The following MACROD1 variants were observed in gnomAD, a reference collection of about 807,000 sequenced individuals.
The protein encoded by MACROD1 is mono-ADP ribosylhydrolase 1, also known as ADP-ribose glycohydrolase MACROD1.
In MACROD1, 31 loss-of-function variants were observed where a neutral mutation model predicts 41.4. The ratio of observed to expected loss-of-function variants is 0.75; its 90% CI spans 0.56 to 1.01. The LOEUF is 1.01. Ranked by LOEUF, MACROD1 falls within the 50% of genes least tolerant of loss-of-function variation. The probability of loss-of-function intolerance (pLI) is 0.00; values close to 1 mark genes in which losing one functional copy is unlikely to be tolerated. For synonymous variants in MACROD1, 252 were observed against 203.4 expected (o/e 1.24, Z -2.03); for missense variants, 473 against 460.0 (o/e 1.03, Z -0.26).
chr11:64,137,264 T>C (rs1282214214), intron 3 of MACROD1, among the ~76,000 whole-genome samples: 1 of 151,802 alleles, frequency 6.6e-6, no homozygotes, highest in Non-Finnish European at 1.5e-5. Context: ...CAGTGACAAA[T>C]AGGAGGGCAG....
intron 3 of MACROD1, chr11:64,086,812 A>G (rs1446558054): frequency 1.3e-5 from 2 of 152,198 alleles, no homozygotes; most frequent in Non-Finnish European, 2.9e-5. Flanking sequence ...CGCTCCTCCA[A>G]CTAGCCCGTG....
chr11:64,015,149 G>T, intron 4 of MACROD1, 103 bp downstream of exon 4: 1 of 1,240,272 alleles, frequency 8.1e-7, no homozygotes, highest in African/African-American at 1.5e-5. Flanking sequence ...TGGGGAAGGT[G>T]GATTGCAGTG....
At chr11:64,097,803 C>A (rs1483877969) in intron 3 of MACROD1, among the ~76,000 whole-genome samples, 3 of 152,182 alleles carry the variant, frequency 2.0e-5, no homozygotes. Flanking sequence ...CTCCAGAGGC[C>A]TTCCTGCTCC....
At chr11:63,999,954 C>G (rs1044854794) in intron 5 of MACROD1, 191 bp from the exon 6 acceptor site, 3 of 703,830 alleles carry the variant, frequency 4.3e-6, no homozygotes, top group Non-Finnish European at 6.9e-6. Context: ...GCCCCGCGCC[C>G]CCTCCCCACA....
intron 3 of MACROD1, among the ~76,000 whole-genome samples, chr11:64,049,217 A>C (rs536452529): frequency 9.8e-4 from 149 of 152,292 alleles, no homozygotes; most frequent in African/African-American, 3.2e-3. Flanking sequence ...AAGGACCCCC[A>C]GAGACCACTG....
chr11:64,039,749 C>T lies in MACROD1; in HGVS notation c.518-24468G>A, dbSNP rs1006628127. ...AGGCCCCCAGAGCACTGCCGCTCCCCGGGGCCAGCGGCTCTGCAGATGATG... is the reference window on the plus strand; with the variant it reads ...AGGCCCCCAGAGCACTGCCGCTCCCTGGGGCCAGCGGCTCTGCAGATGATG... On this transcript the variant is annotated intron_variant, in intron 3 of 10. Transcript: ENST00000255681. 3.9e-5 allele frequency among the ~76,000 whole-genome samples: 6 copies of T among 152,226 alleles called. No individual in the cohort carries two copies. The South Asian group carries it at 6.2e-4, about 16-fold the overall frequency.
chr11:64,102,349 G>C (rs666497), intron 3 of MACROD1, among the ~76,000 whole-genome samples: 70,995 of 151,968 alleles, frequency 0.47, 17,393 homozygotes, highest in African/African-American at 0.61. Flanking sequence ...GGGCGGCTGC[G>C]GGTGTTGAGG....
intron 3 of MACROD1, among the ~76,000 whole-genome samples, chr11:64,133,050 C>A (rs569213260): frequency 2.0e-5 from 3 of 152,200 alleles, no homozygotes; most frequent in African/African-American, 7.2e-5. Context: ...GAAATGCACA[C>A]CCATGAGCCC....
intron 3 of MACROD1, chr11:64,116,761 C>T: frequency 1.9e-6 from 3 of 1,613,702 alleles, no homozygotes; most frequent in Non-Finnish European, 2.5e-6. Flanking sequence ...TCCGTGTCCA[C>T]CGTCAGCATT....
chr11:64,004,717 G>C (rs1942881936), intron 4 of MACROD1, among the ~76,000 whole-genome samples: 1 of 152,140 alleles, frequency 6.6e-6, no homozygotes, highest in African/African-American at 2.4e-5. Context: ...TTTGGGGCAA[G>C]TCACTTAACC....
chr11:64,096,991 G>A lies in MACROD1; in HGVS notation c.517+54248C>T, dbSNP rs987922546. ...CGGGAGTTCCTGCCTACCCTTGCTG[G>A]GAGGAGATTGCAAAGGCACAAGAGC... On this transcript the variant is annotated intron_variant, in intron 3 of 10. Transcript: ENST00000255681. This position sits in a 1 kb window ranked among gnomAD's most constrained non-coding sequence, Gnocchi z 4.6. Among the ~76,000 whole-genome samples the A allele has an allele frequency of 1.3e-5, 2 of 152,186 alleles. No individual in the cohort carries two copies. The highest frequency in any genetic ancestry group is 4.8e-5 in the African/African-American group (2 of 41,442).
intron 3 of MACROD1, among the ~76,000 whole-genome samples, chr11:64,080,411 C>T (rs753924944): frequency 2.0e-5 from 3 of 152,128 alleles, no homozygotes; most frequent in Non-Finnish European, 4.4e-5. Context: ...TAGAATTCAG[C>T]GGGTTTTTTT....
chr11:64,115,621 C>T (rs1459593196), intron 3 of MACROD1, among the ~76,000 whole-genome samples: 2 of 152,254 alleles, frequency 1.3e-5, no homozygotes, highest in African/African-American at 2.4e-5. Flanking sequence ...CTCCACTCCT[C>T]GCCAGTGATG....
chr11:64,125,292 C>G (rs976101411), intron 3 of MACROD1, among the ~76,000 whole-genome samples: 19 of 152,190 alleles, frequency 1.2e-4, no homozygotes, highest in African/African-American at 4.6e-4. Context: ...AGCCCAAAGC[C>G]TAAGACCAGA....
intron 3 of MACROD1, among the ~76,000 whole-genome samples, chr11:64,029,763 C>T (rs1254495736): frequency 6.6e-6 from 1 of 152,232 alleles, no homozygotes; most frequent in African/African-American, 2.4e-5. Flanking sequence ...CAGTTCACAT[C>T]TCCTTCCTGA....
intron 3 of MACROD1, among the ~76,000 whole-genome samples, chr11:64,068,231 C>T (rs759440625): frequency 7.9e-5 from 12 of 152,244 alleles, no homozygotes; most frequent in Non-Finnish European, 1.2e-4. Flanking sequence ...CACCTCCACG[C>T]GGTGTCAGAA....
chr11:64,117,413 G>A (rs770929302), intron 3 of MACROD1: 7 of 1,612,218 alleles, frequency 4.3e-6, no homozygotes, highest in Non-Finnish European at 5.9e-6. Flanking sequence ...TTGAGACGGG[G>A]CCGCAGGGCG....
chr11:64,065,625 TA>T (rs71479473), intron 3 of MACROD1, among the ~76,000 whole-genome samples: 22,277 of 82,358 alleles, frequency 0.27, 1,966 homozygotes, highest in Non-Finnish European at 0.44. Flanking sequence ...CAGTCTCTAC[TA>T]AAAAATACAA....
At chr11:64,165,487 C>T (rs1945825217) in intron 1 of MACROD1, among the ~76,000 whole-genome samples, 1 of 152,064 alleles carries the variant, frequency 6.6e-6, no homozygotes, top group African/African-American at 2.4e-5. Context: ...TGGACCTGGT[C>T]TGGAGTGAAT....
Sources: gnomAD v4.1 joint callset for allele counts (sites outside exome capture counted in the v4.1 genomes callset) on GRCh38, gnomAD v4.1.1 for gene constraint, Gnocchi (gnomAD v3.1) non-coding constraint, MANE v1.5 for transcripts, NCBI Gene and HGNC (gene_info 2026-07-23, HGNC 2026-07-21) for gene names.